BORA: variants seen among roughly 807,000 people sequenced by gnomAD.
BORA encodes the protein protein aurora borealis.
A neutral mutation model predicts 55.8 loss-of-function variants in BORA; 26 were observed. That is an observed-to-expected ratio of 0.47 (90% confidence interval 0.34 to 0.65). The LOEUF (loss-of-function observed/expected upper bound fraction) is 0.65, where lower values mean the gene tolerates loss of function less well. Among genes scored for constraint, BORA ranks in the 30% least tolerant of loss-of-function variants. The pLI is 0.01. For missense variants in BORA, 568 were observed against 671.5 expected (o/e 0.85, Z 1.70); for synonymous variants, 201 against 216.9 (o/e 0.93, Z 0.64).
exon 12 of BORA, chr13:72,756,192 ATCAATGTG>A (rs750949429): frequency 5.8e-4 from 27 of 46,470 alleles, no homozygotes; most frequent in Non-Finnish European, 8.6e-4. Context: ...GACCTGTGTT[ATCAATGTG>A]TCATTTTCTT....
At chr13:72,746,113 AT>A (rs2033135418) in intron 9 of BORA, 37 bp downstream of exon 9, 1 of 1,527,032 alleles carries the variant, frequency 6.5e-7, no homozygotes, top group Non-Finnish European at 9.0e-7. Flanking sequence ...TAAAAGTTTT[AT>A]ACTATCAATA....
chr13:72,753,398 G>T, intron 10 of BORA: 1 of 228,698 alleles, frequency 4.4e-6, no homozygotes, highest in Non-Finnish European at 8.5e-6. Context: ...TGTCTACTAG[G>T]TACGATCACA....
rs539512651 is a variant in BORA at position 72,736,664 on chromosome 13, A to T, written c.307-1298A>T. On this transcript the variant is annotated intron_variant, in intron 4 of 11. Coordinates refer to ENST00000390667, the MANE Select transcript of BORA (RefSeq NM_024808.5). ...AATAATGCTGCAGTGATTTGTATAT[A>T]TATCTTTATATTCTTGAAATGGACC... Among the ~76,000 whole-genome samples, 9 of 152,262 alleles carry T rather than the reference A, an allele frequency of 5.9e-5. No homozygotes were observed. The South Asian group carries it at 1.9e-3, about 32-fold the overall frequency.
chr13:72,728,297 G>A (rs745849760), intron 1 of BORA: 4 of 646,336 alleles, frequency 6.2e-6, no homozygotes, highest in South Asian at 5.0e-5. Flanking sequence ...TGCAAGTAAT[G>A]CAGTCTCCCT....
intron 11 of BORA, 178 bp from the exon 12 acceptor site, chr13:72,754,973 C>CA (rs1254141710): frequency 5.4e-6 from 3 of 551,078 alleles, no homozygotes; most frequent in East Asian, 3.1e-5. Context: ...CTTGGCCTCT[C>CA]AAAGTGTTGG....
intron 10 of BORA, 57 bp from the exon 11 acceptor site, chr13:72,753,633 T>C (rs1288228343): frequency 6.5e-7 from 1 of 1,534,482 alleles, no homozygotes; most frequent in Non-Finnish European, 8.9e-7. Flanking sequence ...TTTACTTATT[T>C]AAATATTTGA....
chr13:72,735,175 T>C (rs1249398273), intron 4 of BORA, among the ~76,000 whole-genome samples, 170 bp downstream of exon 4: 1 of 152,204 alleles, frequency 6.6e-6, no homozygotes, highest in African/African-American at 2.4e-5. Flanking sequence ...AGACCAATAA[T>C]TTCCAGCTAT....
intron 3 of BORA, among the ~76,000 whole-genome samples, chr13:72,734,137 A>G (rs985869445): frequency 2.6e-5 from 4 of 152,170 alleles, no homozygotes; most frequent in African/African-American, 9.7e-5. Flanking sequence ...CTGTACAACA[A>G]ACCCCAGTGA....
At position 72,756,027 on chromosome 13, in the gene BORA, G is replaced by A. The variant is rs963142930; in HGVS notation, c.*811G>A. 1 of 398,372 alleles carries A rather than the reference G, an allele frequency of 2.5e-6. No homozygotes were observed. The highest frequency in any genetic ancestry group is 4.4e-6 in the Non-Finnish European group (1 of 225,992). 24.7% of individuals were successfully genotyped at this position (398,372 alleles called of 1,614,324 possible). On this transcript the variant is annotated 3_prime_UTR_variant, in exon 12 of 12. Coordinates refer to ENST00000390667, the MANE Select transcript of BORA (RefSeq NM_024808.5). ...AGGCCTGTGAAGTAACACTGGGGCA[G>A]ATATGTATGTTATATACAACTATTT...
intron 5 of BORA, among the ~76,000 whole-genome samples, chr13:72,742,394 T>G (rs918084169): frequency 6.6e-6 from 1 of 152,030 alleles, no homozygotes; most frequent in Non-Finnish European, 1.5e-5. Context: ...TTAAAATAAT[T>G]TGCACCCATA....
intron 2 of BORA, among the ~76,000 whole-genome samples, chr13:72,730,245 C>CT (rs1436383345): frequency 6.6e-6 from 1 of 152,132 alleles, no homozygotes; most frequent in Non-Finnish European, 1.5e-5. Context: ...CAAGTATGTA[C>CT]TAGTGGAAGG....
At chr13:72,743,464 A>T in intron 5 of BORA, 73 bp from the exon 6 acceptor site, 2 of 1,059,946 alleles carry the variant, frequency 1.9e-6, no homozygotes, top group Non-Finnish European at 2.7e-6. Context: ...TTAATTTTTT[A>T]CTTTGGAAAA....
intron 5 of BORA, among the ~76,000 whole-genome samples, chr13:72,740,602 GC>G (rs1214746608): frequency 6.6e-6 from 1 of 152,150 alleles, no homozygotes; most frequent in Non-Finnish European, 1.5e-5. Flanking sequence ...AAGGTTGGCA[GC>G]CCTTAAGTGT....
At chr13:72,733,142 G>A (rs1313855506) in intron 3 of BORA, among the ~76,000 whole-genome samples, 1 of 152,186 alleles carries the variant, frequency 6.6e-6, no homozygotes. Context: ...ACCAAGGATA[G>A]TCAATATATT....
At chr13:72,749,244 TTTTG>T (rs1437827374) in intron 10 of BORA, among the ~76,000 whole-genome samples, 2 of 152,206 alleles carry the variant, frequency 1.3e-5, no homozygotes, top group Non-Finnish European at 2.9e-5. Flanking sequence ...GTGCTTAATC[TTTTG>T]TTTATGATCT....
intron 10 of BORA, among the ~76,000 whole-genome samples, chr13:72,750,649 C>T (rs1450841575): frequency 6.6e-6 from 1 of 152,056 alleles, no homozygotes; most frequent in Non-Finnish European, 1.5e-5. Flanking sequence ...TTTTTAAAAA[C>T]TAGGAGTTGG....
Position 72,754,473 on chromosome 13 carries a change from C to T in BORA, c.1614+652C>T, listed in dbSNP as rs2033388897. 2.0e-5 allele frequency: 3 copies of T among 152,166 alleles called. No individual in the cohort carries two copies. In the South Asian group the frequency reaches 6.2e-4, roughly 32 times the overall value. 9.4% of individuals were successfully genotyped at this position (152,166 alleles called of 1,614,324 possible). On this transcript the variant is annotated intron_variant, in intron 11 of 11. Coordinates refer to ENST00000390667, the MANE Select transcript of BORA (RefSeq NM_024808.5). ...TACAGGTGTGAACCACCTTGCCCTG[C>T]TGTTATATGCCAGTTTCTTATAAAA...
intron 10 of BORA, chr13:72,752,511 C>G (rs113502506): frequency 6.6e-6 from 1 of 152,194 alleles, no homozygotes; most frequent in East Asian, 1.9e-4. Flanking sequence ...CCATATATAT[C>G]CAGTTACATA....
chr13:72,742,567 TA>T (rs575873111), intron 5 of BORA, among the ~76,000 whole-genome samples: 51 of 146,960 alleles, frequency 3.5e-4, no homozygotes, highest in African/African-American at 1.2e-3. Flanking sequence ...ATCATTTCCT[TA>T]AAAAAAAAAC....
Sources: allele counts gnomAD v4.1 joint callset (sites outside exome capture counted in the v4.1 genomes callset), GRCh38; gene constraint gnomAD v4.1.1; transcripts MANE v1.5; gene names NCBI Gene and HGNC (gene_info 2026-07-23, HGNC 2026-07-21).